Variants in PLD1 observed in about 807,000 individuals in gnomAD.
PLD1 encodes phospholipase D1, also known as choline phosphatase 1.
PLD1 carries 112 observed loss-of-function variants against 137.1 expected under a neutral mutation model. The ratio of observed to expected loss-of-function variants is 0.82; its 90% CI spans 0.70 to 0.96. The LOEUF (loss-of-function observed/expected upper bound fraction) is 0.96. PLD1 is among the 40% of genes least tolerant of loss of function. PLD1 has a pLI of 0.00. For synonymous variants in PLD1, 431 were observed against 454.7 expected (o/e 0.95, Z 0.66); for missense variants, 1,321 against 1,342.0 (o/e 0.98, Z 0.24).
intron 3 of PLD1, among the ~76,000 whole-genome samples, chr3:171,736,575 A>AGT (rs1719375056): frequency 6.6e-6 from 1 of 152,174 alleles, no homozygotes; most frequent in Non-Finnish European, 1.5e-5. Context: ...CACCAAAATG[A>AGT]GTGTAAGCTG....
chr3:171,631,445 GA>G (rs1734652889), intron 23 of PLD1, among the ~76,000 whole-genome samples: 1 of 152,184 alleles, frequency 6.6e-6, no homozygotes, highest in South Asian at 2.1e-4. Flanking sequence ...AAGAAAGAGA[GA>G]GAATAGGTTT....
intron 6 of PLD1, among the ~76,000 whole-genome samples, chr3:171,727,077 T>C (rs1213975512): frequency 6.6e-6 from 1 of 152,254 alleles, no homozygotes; most frequent in Non-Finnish European, 1.5e-5. Flanking sequence ...ATAATCTAAT[T>C]TTATGTGTCA....
intron 10 of PLD1, among the ~76,000 whole-genome samples, chr3:171,709,049 T>C (rs1716935612): frequency 6.6e-6 from 1 of 152,196 alleles, no homozygotes; most frequent in Admixed American, 6.5e-5. Flanking sequence ...AGCCTGATTT[T>C]TCTCTGCTTA....
At chr3:171,780,936 C>CT (rs1194921643) in intron 1 of PLD1, among the ~76,000 whole-genome samples, 1 of 152,148 alleles carries the variant, frequency 6.6e-6, no homozygotes, top group African/African-American at 2.4e-5. Flanking sequence ...ACTCATCAAG[C>CT]TTTTTTGTAC....
At chr3:171,780,926 A>T (rs62281887) in intron 1 of PLD1, among the ~76,000 whole-genome samples, 80,627 of 152,038 alleles carry the variant, frequency 0.53, 21,786 homozygotes, top group Middle Eastern at 0.75. Flanking sequence ...CCAATTATAA[A>T]CTCATCAAGC....
intron 1 of PLD1, among the ~76,000 whole-genome samples, chr3:171,795,818 T>C (rs1361325975): frequency 6.6e-6 from 1 of 152,174 alleles, no homozygotes; most frequent in Admixed American, 6.5e-5. Flanking sequence ...AAGGAGAAAA[T>C]TGAGGCCCAG....
chr3:171,662,427 T>G (rs1345256559), intron 19 of PLD1, among the ~76,000 whole-genome samples: 1 of 152,178 alleles, frequency 6.6e-6, no homozygotes, highest in Non-Finnish European at 1.5e-5. Flanking sequence ...ATACCCTCTT[T>G]CATCCAGGAT....
chr3:171,662,472 G>T (rs1480027388), intron 19 of PLD1, among the ~76,000 whole-genome samples: 1 of 152,122 alleles, frequency 6.6e-6, no homozygotes, highest in Non-Finnish European at 1.5e-5. Context: ...ACAAATTGTG[G>T]TTTCTACAAA....
chr3:171,606,576 G>A (rs1732222189), intron 25 of PLD1, among the ~76,000 whole-genome samples: 1 of 152,172 alleles, frequency 6.6e-6, no homozygotes, highest in Non-Finnish European at 1.5e-5. Context: ...AGAGGATGTG[G>A]AATCCTGAAA....
At chr3:171,710,569 A>T (rs1421733705) in intron 9 of PLD1, among the ~76,000 whole-genome samples, 2 of 152,186 alleles carry the variant, frequency 1.3e-5, no homozygotes, top group East Asian at 3.9e-4. Flanking sequence ...GGCGGAACTC[A>T]GGTGGTAATG....
chr3:171,776,008 C>T (rs115273826), intron 1 of PLD1, among the ~76,000 whole-genome samples: 1,570 of 152,292 alleles, frequency 0.01, 27 homozygotes, highest in African/African-American at 0.036. Context: ...ACTTTGTGTT[C>T]TTTCTACCAC....
chr3:171,602,804 G>T lies in PLD1; in HGVS notation c.*274C>A. On this transcript the variant is annotated 3_prime_UTR_variant, in exon 27 of 27. Coordinates refer to ENST00000351298, the MANE Select transcript of PLD1 (RefSeq NM_002662.5). ...ACAAAGGAAATGGATTTTGGTATAC[G>T]GAATTTGAATATGTGTTTTACTCAA... 2.6e-6 allele frequency: 1 copy of T among 379,082 alleles called. No homozygotes were observed. Among genetic ancestry groups the T allele is most frequent in the Non-Finnish European group, 4.8e-6 (1 of 209,760 alleles). The allele number at this position is 379,082 out of a possible 1,614,324, so 23.5% of individuals were successfully genotyped here.
At chr3:171,687,269 A>C (rs902548109) in intron 15 of PLD1, 102 bp downstream of exon 15, 1 of 921,804 alleles carries the variant, frequency 1.1e-6, no homozygotes, top group Non-Finnish European at 1.7e-6. Flanking sequence ...TGCTCATTCT[A>C]CTCCATTACA....
intron 1 of PLD1, among the ~76,000 whole-genome samples, chr3:171,801,280 A>C (rs1723635129): frequency 6.6e-6 from 1 of 152,244 alleles, no homozygotes; most frequent in Non-Finnish European, 1.5e-5. Flanking sequence ...CAAATACAGG[A>C]TGAAAGCTTT....
Position 171,692,329 on chromosome 3 carries a change from T to A in PLD1, c.1338+3A>T. On this transcript the variant is annotated splice_donor_region_variant and intron_variant, in intron 13 of 26. Coordinates refer to ENST00000351298, the MANE Select transcript of PLD1 (RefSeq NM_002662.5). ...CATTGGTTATCAAGATGAACCTGAA[T>A]ACCTTTATGTTGGGATGTAGACGCA... 1 of 1,316,214 alleles carries A rather than the reference T, an allele frequency of 7.6e-7. No homozygotes were observed. The highest frequency in any genetic ancestry group is 1.7e-5 in the Admixed American group (1 of 57,860). The allele number at this position is 1,316,214 out of a possible 1,614,324, so 81.5% of individuals were successfully genotyped here.
chr3:171,684,662 C>A (rs1714367019), intron 16 of PLD1, among the ~76,000 whole-genome samples: 1 of 152,224 alleles, frequency 6.6e-6, no homozygotes, highest in African/African-American at 2.4e-5. Context: ...GTGGCATGAT[C>A]TCAGCTCACT....
At chr3:171,635,683 T>C (rs977455977) in intron 23 of PLD1, among the ~76,000 whole-genome samples, 1 of 152,090 alleles carries the variant, frequency 6.6e-6, no homozygotes, top group Non-Finnish European at 1.5e-5. Context: ...CTTATACATA[T>C]GATTTGCAAA....
intron 1 of PLD1, among the ~76,000 whole-genome samples, chr3:171,779,929 G>A (rs867507673): frequency 8.4e-5 from 10 of 119,542 alleles, no homozygotes; most frequent in African/African-American, 2.9e-4. Flanking sequence ...GGGGTTTGGA[G>A]ACGTAAGTCT....
In PLD1 at chr3:171,603,027, G is replaced by T; in HGVS notation, c.*51C>A. On this transcript the variant is annotated 3_prime_UTR_variant, in exon 27 of 27. Coordinates refer to ENST00000351298, the MANE Select transcript of PLD1 (RefSeq NM_002662.5). Reference sequence around the variant, plus strand: ...TATGACATCCCCAGGAAGTCACTGTGTGCAGTGTGGTCTCCAGGGTGGAAG... The same window carrying T: ...TATGACATCCCCAGGAAGTCACTGTTTGCAGTGTGGTCTCCAGGGTGGAAG... 2 of 1,310,640 alleles carry T rather than the reference G, an allele frequency of 1.5e-6. No individual in the cohort carries two copies. Among genetic ancestry groups the T allele is most frequent in the Non-Finnish European group, 2.2e-6 (2 of 910,850 alleles). The allele number at this position is 1,310,640 out of a possible 1,614,324, so 81.2% of individuals were successfully genotyped here. A position where few individuals can be genotyped will look rare whatever the true frequency, so the allele number is the denominator to read the frequency against.
Sources: allele counts gnomAD v4.1 joint callset (sites outside exome capture counted in the v4.1 genomes callset), GRCh38; gene constraint gnomAD v4.1.1; transcripts MANE v1.5; gene names NCBI Gene and HGNC (gene_info 2026-07-23, HGNC 2026-07-21).